CLCF1: variants seen among roughly 807,000 people sequenced by gnomAD.
CLCF1 encodes the protein cardiotrophin-like cytokine factor 1.
A neutral mutation model predicts 21.2 loss-of-function variants in CLCF1; 10 were observed. The observed-to-expected ratio is 0.47, with a 90% CI of 0.29 to 0.80. The LOEUF is 0.80. CLCF1 is among the 30% of genes least tolerant of loss of function. The pLI is 0.09. For synonymous variants in CLCF1, 115 were observed against 120.5 expected, an observed-to-expected ratio of 0.95 and a Z score of 0.30; for missense variants, 240 against 293.4, an observed-to-expected ratio of 0.82 and a Z score of 1.33.
At chr11:67,367,037 C>T (rs936735027) in intron 2 of CLCF1, among the ~76,000 whole-genome samples, 2 of 152,210 alleles carry the variant, frequency 1.3e-5, no homozygotes, top group Non-Finnish European at 2.9e-5. Context: ...AGGGAGGCCC[C>T]TGGGTCCAGA....
rs1050302950 is a variant in CLCF1, at chr11:67,372,277, C to T, written c.16+1247G>A. Among the ~76,000 whole-genome samples the T allele has an allele frequency of 8.6e-5, 13 of 151,898 alleles. No individual in the cohort carries two copies. Among genetic ancestry groups the T allele is most frequent in the Non-Finnish European group, 1.6e-4 (11 of 67,934 alleles). On this transcript the variant is annotated intron_variant, in intron 1 of 2. Transcript: ENST00000312438. The surrounding 1 kb of genome is among the most constrained non-coding windows in gnomAD (Gnocchi z 5.9). ...CCTCTCCTGGTAGCCCCTCACACCC[C>T]GGGGGGAGGGCCAGGCTGGGAGCTG...
rs1164860749 is a variant in CLCF1, at chr11:67,365,020, AG to A, written c.*115del. ...ATCACACGCCCAGCCGGTCCAGGAA[AG>A]GGCCAGAGGCTCACAGCTTCTGTCT... is the stretch of plus-strand genomic sequence containing the variant. On this transcript the variant is annotated 3_prime_UTR_variant, in exon 3 of 3. Transcript: ENST00000312438. The surrounding 1 kb of genome is among the most constrained non-coding windows in gnomAD (Gnocchi z 5.0). 6.4e-7 allele frequency: 1 copy of A among 1,553,382 alleles called. No homozygotes were observed. The highest frequency in any genetic ancestry group is 2.3e-5 in the East Asian group (1 of 44,230).
chr11:67,365,217 G>A lies in CLCF1; in HGVS notation c.597C>T (p.Ala199=). ...KELQTWLWRS[A]KDFNRLKKKM... ...TCTTCTTGAGCCGGTTGAAGTCCTT[G>A]GCCGAGCGCCACAGCCAGGTCTGCA... The change falls in exon 3 of 3, where the codon GCC becomes GCT. Residue 199 remains alanine, a synonymous_variant. Coordinates refer to ENST00000312438, the MANE Select transcript of CLCF1 (RefSeq NM_013246.3). The surrounding 1 kb of genome is among the most constrained non-coding windows in gnomAD (Gnocchi z 5.0). 6.2e-7 allele frequency: 1 copy of A among 1,614,030 alleles called. No individual in the cohort carries two copies. Among genetic ancestry groups the A allele is most frequent in the Non-Finnish European group, 8.5e-7 (1 of 1,180,026 alleles).
In CLCF1 at chr11:67,372,252, C is replaced by T. The variant is rs1459075591; in HGVS notation, c.16+1272G>A. Among the ~76,000 whole-genome samples, 1 of 152,004 alleles carries T rather than the reference C, an allele frequency of 6.6e-6. No individual in the cohort carries two copies. The highest frequency in any genetic ancestry group is 1.5e-5 in the Non-Finnish European group (1 of 67,956). ...TAGCCTCCACCCGCCCGTCTCCCCT[C>T]CTCTCCTGGTAGCCCCTCACACCCC... On this transcript the variant is annotated intron_variant, in intron 1 of 2. Transcript: ENST00000312438. This position sits in a 1 kb window ranked among gnomAD's most constrained non-coding sequence, Gnocchi z 5.9.
At chr11:67,368,010 T>G in intron 1 of CLCF1, 1 of 970,830 alleles carries the variant, frequency 1.0e-6, no homozygotes, top group Non-Finnish European at 1.2e-6. Flanking sequence ...AGTTGTACCC[T>G]AGCTTCCTGC....
At chr11:67,366,069 T>A (rs1044535792) in intron 2 of CLCF1, among the ~76,000 whole-genome samples, 10 of 152,132 alleles carry the variant, frequency 6.6e-5, no homozygotes, top group African/African-American at 2.4e-4. Context: ...GCAGTGTGGC[T>A]GCAAAACAGA....
chr11:67,365,449 C>T lies in CLCF1; in HGVS notation c.365G>A (p.Arg122His), dbSNP rs151050272. 941 of 1,613,694 alleles carry T rather than the reference C, an allele frequency of 5.8e-4. 1 individual carries two copies. The highest frequency in any genetic ancestry group is 7.4e-4 in the Non-Finnish European group (877 of 1,179,902). ...HLLCYLRGLN[R>H]QAATAELRRS... is the part of the protein sequence containing the mutation. ...GCGCAGCTCAGCAGTGGCAGCCTGACGGTTGAGGCCACGCAAGTAACACAG... is the reference window on the plus strand; with the variant it reads ...GCGCAGCTCAGCAGTGGCAGCCTGATGGTTGAGGCCACGCAAGTAACACAG... The change falls in exon 3 of 3, where the codon CGT (arginine) becomes CAT (histidine). Residue 122 changes from arginine to histidine, a missense_variant. Transcript: ENST00000312438. This position sits in a 1 kb window ranked among gnomAD's most constrained non-coding sequence, Gnocchi z 5.0.
At chr11:67,369,048 C>T in intron 1 of CLCF1, 1 of 983,436 alleles carries the variant, frequency 1.0e-6, no homozygotes, top group Non-Finnish European at 1.2e-6. Context: ...TAACGCTTTG[C>T]CCATGGTTAG....
In CLCF1 at chr11:67,365,157, G is replaced by A; in HGVS notation, c.657C>T (p.His219=). The A allele has an allele frequency of 6.2e-7, 1 of 1,613,990 alleles. No individual in the cohort carries two copies. Among genetic ancestry groups the A allele is most frequent in the Non-Finnish European group, 8.5e-7 (1 of 1,180,028 alleles). The part of the protein sequence containing the change: ...MQPPAAAVTL[H]LGAHGF ...GAAGTCAGAAGCCATGAGCCCCCAG[G>A]TGCAGGGTGACTGCAGCTGCTGGAG... The change falls in exon 3 of 3, where the codon CAC becomes CAT. Residue 219 remains histidine, a synonymous_variant. Transcript: ENST00000312438. The surrounding 1 kb of genome is among the most constrained non-coding windows in gnomAD (Gnocchi z 5.0).
rs1309936566 is a variant in CLCF1 at position 67,372,318 on chromosome 11, T to A, written c.16+1206A>T. On this transcript the variant is annotated intron_variant, in intron 1 of 2. Coordinates refer to ENST00000312438, the MANE Select transcript of CLCF1 (RefSeq NM_013246.3). The surrounding 1 kb of genome is among the most constrained non-coding windows in gnomAD (Gnocchi z 5.9). ...CTGGGAGCTGGGGGAACAGGGGTCCTCTGGGATTGGGAGGGTCTGTGGGGA... is the reference window on the plus strand; with the variant it reads ...CTGGGAGCTGGGGGAACAGGGGTCCACTGGGATTGGGAGGGTCTGTGGGGA... Among the ~76,000 whole-genome samples, 3 of 151,898 alleles carry A rather than the reference T, an allele frequency of 2.0e-5. No homozygotes were observed. The highest frequency in any genetic ancestry group is 1.3e-4 in the Admixed American group (2 of 15,276).
chr11:67,368,468 G>A, intron 1 of CLCF1: 1 of 985,338 alleles, frequency 1.0e-6, no homozygotes, highest in Non-Finnish European at 1.2e-6. Flanking sequence ...GGACATCCCA[G>A]GATACCAGGA....
At position 67,370,150 on chromosome 11, in the gene CLCF1, T is replaced by C. The variant is rs993751230; in HGVS notation, c.17-2524A>G. 13 of 985,288 alleles carry C rather than the reference T, an allele frequency of 1.3e-5. No individual in the cohort carries two copies. In the South Asian group the frequency reaches 5.2e-4, roughly 39 times the overall value. The allele number at this position is 985,288 out of a possible 1,614,324, so 61.0% of individuals were successfully genotyped here. A position where few individuals can be genotyped will look rare whatever the true frequency, so the allele number is the denominator to read the frequency against. ...TAGAAGGACAGGGCTCTGCCCCTGCTATGACAGCTTCCACTCTGGGCAAAG... is the reference window on the plus strand; with the variant it reads ...TAGAAGGACAGGGCTCTGCCCCTGCCATGACAGCTTCCACTCTGGGCAAAG... On this transcript the variant is annotated intron_variant, in intron 1 of 2. Transcript: ENST00000312438.
At position 67,364,937 on chromosome 11, in the gene CLCF1, T is replaced by C. The variant is rs1331943174; in HGVS notation, c.*199A>G. The stretch of plus-strand genomic sequence containing the variant: ...AAACAGGACAGGACAGGGCCTACTG[T>C]ACCTCCTCCCCAGCTCGGTAGACCT... On this transcript the variant is annotated 3_prime_UTR_variant, in exon 3 of 3. Coordinates refer to ENST00000312438, the MANE Select transcript of CLCF1 (RefSeq NM_013246.3). The C allele has an allele frequency of 1.3e-6, 1 of 772,182 alleles. No homozygotes were observed. Among genetic ancestry groups the C allele is most frequent in the East Asian group, 2.7e-5 (1 of 36,850 alleles). 47.8% of individuals were successfully genotyped at this position (772,182 alleles called of 1,614,324 possible). A position where few individuals can be genotyped will look rare whatever the true frequency, so the allele number is the denominator to read the frequency against.
At chr11:67,373,786 A>AG, upstream of CLCF1, 1 of 328,262 alleles carries the variant, frequency 3.0e-6, no homozygotes, top group Non-Finnish European at 3.6e-6. Flanking sequence ...TGGGGGTAGG[A>AG]GGGGGGAGGA....
At chr11:67,373,614 C>T, upstream of CLCF1, 2 of 1,279,198 alleles carry the variant, frequency 1.6e-6, no homozygotes, top group Non-Finnish European at 9.9e-7. Flanking sequence ...GCCGCGGCTC[C>T]GGCGAAGCTT....
intron 1 of CLCF1, chr11:67,367,886 C>T (rs920520035): frequency 1.1e-4 from 111 of 985,314 alleles, no homozygotes; most frequent in Admixed American, 2.5e-4. Context: ...ATCTGTGTGT[C>T]AGCTGAGAGA....
intron 2 of CLCF1, 149 bp downstream of exon 2, chr11:67,367,311 G>A (rs1862131604): frequency 6.2e-6 from 8 of 1,281,652 alleles, no homozygotes; most frequent in Non-Finnish European, 7.8e-6. Flanking sequence ...TAAGAGGGAA[G>A]GGCAGGAGAT....
chr11:67,364,956 T>C lies in CLCF1; in HGVS notation c.*180A>G, dbSNP rs1862065199. 1 of 949,624 alleles carries C rather than the reference T, an allele frequency of 1.1e-6. No homozygotes were observed. Among genetic ancestry groups the C allele is most frequent in the South Asian group, 1.7e-5 (1 of 60,220 alleles). The allele number at this position is 949,624 out of a possible 1,614,324, so 58.8% of individuals were successfully genotyped here. ...CTACTGTACCTCCTCCCCAGCTCGG[T>C]AGACCTTTGGGAGGTGGGGAGGAGA... is the stretch of plus-strand genomic sequence containing the variant. On this transcript the variant is annotated 3_prime_UTR_variant, in exon 3 of 3. Coordinates refer to ENST00000312438, the MANE Select transcript of CLCF1 (RefSeq NM_013246.3).
intron 2 of CLCF1, among the ~76,000 whole-genome samples, chr11:67,366,015 T>G (rs1426874884): frequency 6.6e-6 from 1 of 151,252 alleles, no homozygotes. Flanking sequence ...CCCAGGAGAG[T>G]GCAGAGACCA....
Sources: gnomAD v4.1 joint callset for allele counts (sites outside exome capture counted in the v4.1 genomes callset) on GRCh38, gnomAD v4.1.1 for gene constraint, Gnocchi (gnomAD v3.1) non-coding constraint, MANE v1.5 for transcripts, NCBI Gene and HGNC (gene_info 2026-07-23, HGNC 2026-07-21) for gene names.